Variants in SLC26A9 observed in about 807,000 individuals in gnomAD.
The protein encoded by SLC26A9 is solute carrier family 26 member 9.
In SLC26A9, 46 loss-of-function variants were observed where a neutral mutation model predicts 87.1. The observed-to-expected ratio is 0.53, with a 90% CI of 0.42 to 0.67. The LOEUF is 0.67. SLC26A9 is among the 30% of genes least tolerant of loss of function. SLC26A9 has a pLI of 0.00. For synonymous variants in SLC26A9, 437 were observed against 409.1 expected (o/e 1.07, Z -0.82); for missense variants, 927 against 1,018.3 (o/e 0.91, Z 1.22).
chr1:205,915,122 G>C lies in SLC26A9; in HGVS notation c.*235C>G. On this transcript the variant is annotated 3_prime_UTR_variant, in exon 21 of 21. Coordinates refer to ENST00000367135, the MANE Select transcript of SLC26A9 (RefSeq NM_052934.4). The stretch of plus-strand genomic sequence containing the variant: ...GCGGCCAGGGCCTGACGGGTGAAGA[G>C]TGGGCTCACCAGACTCTCACTCCTG... 6.2e-7 allele frequency: 1 copy of C among 1,613,910 alleles called. No homozygotes were observed. The highest frequency in any genetic ancestry group is 8.5e-7 in the Non-Finnish European group (1 of 1,179,842).
chr1:205,922,703 C>T (rs535368889), intron 16 of SLC26A9, among the ~76,000 whole-genome samples: 2 of 152,256 alleles, frequency 1.3e-5, no homozygotes, highest in South Asian at 4.2e-4. Context: ...AGGAGTTTGA[C>T]ACCAGCCTGG....
chr1:205,939,130 A>G (rs948614066), intron 1 of SLC26A9, among the ~76,000 whole-genome samples: 1 of 152,244 alleles, frequency 6.6e-6, no homozygotes. Flanking sequence ...GAGTTTGCAT[A>G]AAGAGGAGAA....
Position 205,914,017 on chromosome 1 carries a change from C to T in SLC26A9, c.*1340G>A, listed in dbSNP as rs1280884502. Reference sequence around the variant, plus strand: ...TCTGTGCATTTCCACTGAAATTTTACAAAACACTTACACATGGAACCTATT... The same window carrying T: ...TCTGTGCATTTCCACTGAAATTTTATAAAACACTTACACATGGAACCTATT... On this transcript the variant is annotated 3_prime_UTR_variant, in exon 21 of 21. Coordinates refer to ENST00000367135, the MANE Select transcript of SLC26A9 (RefSeq NM_052934.4). 1 of 152,194 alleles carries T rather than the reference C, an allele frequency of 6.6e-6. No individual in the cohort carries two copies. Among genetic ancestry groups the T allele is most frequent in the Non-Finnish European group, 1.5e-5 (1 of 68,030 alleles). 9.4% of individuals were successfully genotyped at this position (152,194 alleles called of 1,614,324 possible). A position where few individuals can be genotyped will look rare whatever the true frequency, so the allele number is the denominator to read the frequency against.
intron 12 of SLC26A9, among the ~76,000 whole-genome samples, chr1:205,925,188 A>G (rs1659015469): frequency 6.6e-6 from 1 of 152,222 alleles, no homozygotes; most frequent in African/African-American, 2.4e-5. Flanking sequence ...TGACGGTCCT[A>G]GCCTAGTGAT....
intron 19 of SLC26A9, 98 bp downstream of exon 19, chr1:205,918,742 G>C: frequency 7.0e-7 from 1 of 1,434,596 alleles, no homozygotes; most frequent in South Asian, 1.6e-5. Context: ...CTTGATATTG[G>C]AACTTAAACC....
At chr1:205,942,871 G>C (rs895199453) in intron 1 of SLC26A9, among the ~76,000 whole-genome samples, 1 of 152,168 alleles carries the variant, frequency 6.6e-6, no homozygotes, top group African/African-American at 2.4e-5. Flanking sequence ...TAAGTTCCCC[G>C]AGCTGGTGGA....
intron 1 of SLC26A9, among the ~76,000 whole-genome samples, chr1:205,937,611 G>T (rs1277921993): frequency 6.6e-6 from 1 of 152,214 alleles, no homozygotes; most frequent in African/African-American, 2.4e-5. Context: ...TAGTGGCGAT[G>T]ATTACTATGA....
intron 1 of SLC26A9, among the ~76,000 whole-genome samples, chr1:205,941,167 T>A (rs1441133115): frequency 1.3e-5 from 2 of 151,776 alleles, no homozygotes; most frequent in Non-Finnish European, 2.9e-5. Flanking sequence ...GTTTGTTTTG[T>A]TTTTTTGTTT....
At position 205,917,940 on chromosome 1, in the gene SLC26A9, C is replaced by T. The variant is rs564715583; in HGVS notation, c.2257-586G>A. ...CCTCTTTGCTCTGCGGACAAATTCACGAAGCAGGAAAGCCCGTTGTTTCCC... is the reference window on the plus strand; with the variant it reads ...CCTCTTTGCTCTGCGGACAAATTCATGAAGCAGGAAAGCCCGTTGTTTCCC... On this transcript the variant is annotated intron_variant, in intron 19 of 20. Transcript: ENST00000367135. Among the ~76,000 whole-genome samples, 25 of 152,306 alleles carry T rather than the reference C, an allele frequency of 1.6e-4. No homozygotes were observed. In the South Asian group the frequency reaches 1.9e-3, roughly 11 times the overall value.
At chr1:205,933,162 C>T in intron 2 of SLC26A9, 78 bp from the exon 3 acceptor site, 4 of 1,562,398 alleles carry the variant, frequency 2.6e-6, no homozygotes, top group Non-Finnish European at 3.5e-6. Context: ...TTATCATATC[C>T]TGCTCATTTC....
At chr1:205,919,103 C>T in intron 18 of SLC26A9, 118 bp from the exon 19 acceptor site, 2 of 1,313,030 alleles carry the variant, frequency 1.5e-6, no homozygotes, top group African/African-American at 1.4e-5. Flanking sequence ...CCAGCTCTTG[C>T]TGTATCTGAG....
intron 17 of SLC26A9, 40 bp downstream of exon 17, chr1:205,921,526 G>T: frequency 1.3e-6 from 2 of 1,585,574 alleles, no homozygotes; most frequent in South Asian, 1.1e-5. Context: ...AGAGCGGAGG[G>T]GGTGGAGTGG....
intron 20 of SLC26A9, 91 bp downstream of exon 20, chr1:205,917,192 A>T: frequency 2.3e-6 from 3 of 1,287,552 alleles, no homozygotes; most frequent in Non-Finnish European, 3.4e-6. Flanking sequence ...TGGAGGTGAG[A>T]CAGCTGAGTG....
chr1:205,929,152 C>T lies in SLC26A9; in HGVS notation c.870+52G>A, dbSNP rs1296362435. 3 of 1,583,900 alleles carry T rather than the reference C, an allele frequency of 1.9e-6. No homozygotes were observed. The African/African-American group carries it at 4.0e-5, about 21-fold the overall frequency. On this transcript the variant is annotated intron_variant, in intron 7 of 20. Coordinates refer to ENST00000367135, the MANE Select transcript of SLC26A9 (RefSeq NM_052934.4). Reference sequence around the variant, plus strand: ...TGGGGTGAGGAAAGGTAGGGGCTTCCTCGTCTCACAGCCTGGCCCCCCAAC... The same window carrying T: ...TGGGGTGAGGAAAGGTAGGGGCTTCTTCGTCTCACAGCCTGGCCCCCCAAC...
rs1335381088 is a variant in SLC26A9 at position 205,923,434 on chromosome 1, C to G, written c.1567-7G>C. 1 of 1,614,014 alleles carries G rather than the reference C, an allele frequency of 6.2e-7. No homozygotes were observed. ...TCCCCTGGATATCCTGGGCCTGTGA[C>G]AGGGAGACTGAGCTCAAGTTGCAGA... On this transcript the variant is annotated splice_region_variant and splice_polypyrimidine_tract_variant and intron_variant, in intron 14 of 20. Coordinates refer to ENST00000367135, the MANE Select transcript of SLC26A9 (RefSeq NM_052934.4).
Position 205,932,151 on chromosome 1 carries a change from G to A in SLC26A9, c.377-116C>T, listed in dbSNP as rs535463127. 6.8e-5 allele frequency: 84 copies of A among 1,228,794 alleles called. 1 individual carries two copies. The South Asian group carries it at 1.2e-3, about 17-fold the overall frequency. The allele number at this position is 1,228,794 out of a possible 1,614,324, so 76.1% of individuals were successfully genotyped here. A position where few individuals can be genotyped will look rare whatever the true frequency, so the allele number is the denominator to read the frequency against. On this transcript the variant is annotated intron_variant, in intron 4 of 20. Transcript: ENST00000367135. ...GGGGGATGGATCCCTGCACCTCCAA[G>A]GCTCTTCTCCAACACAATAATAACA...
rs780741897 is a variant in SLC26A9, at chr1:205,935,828, G to A, written c.-8C>T. ...GGGCCTGGGCTGGCTCATATCTGGGGCATTTACAAGCTTTGGGAGAAGCAG... is the reference window on the plus strand; with the variant it reads ...GGGCCTGGGCTGGCTCATATCTGGGACATTTACAAGCTTTGGGAGAAGCAG... On this transcript the variant is annotated 5_prime_UTR_variant, in exon 2 of 21. Coordinates refer to ENST00000367135, the MANE Select transcript of SLC26A9 (RefSeq NM_052934.4). The A allele has an allele frequency of 6.2e-6, 10 of 1,612,096 alleles. No individual in the cohort carries two copies. Among genetic ancestry groups the A allele is most frequent in the Non-Finnish European group, 6.8e-6 (8 of 1,178,710 alleles).
At chr1:205,924,936 A>G (rs1659004958) in intron 12 of SLC26A9, among the ~76,000 whole-genome samples, 1 of 151,872 alleles carries the variant, frequency 6.6e-6, no homozygotes, top group Non-Finnish European at 1.5e-5. Context: ...AGTTAGGACT[A>G]TAGGCACGTG....
intron 14 of SLC26A9, 34 bp from the exon 15 acceptor site, chr1:205,923,461 A>G: frequency 6.2e-7 from 1 of 1,614,042 alleles, no homozygotes; most frequent in South Asian, 1.1e-5. Flanking sequence ...AGTTGCAGAA[A>G]TGTCTTTATT....
Sources: gnomAD v4.1 joint callset for allele counts (sites outside exome capture counted in the v4.1 genomes callset) on GRCh38, gnomAD v4.1.1 for gene constraint, MANE v1.5 for transcripts, NCBI Gene and HGNC (gene_info 2026-07-23, HGNC 2026-07-21) for gene names.